The following USP4 variants were observed in gnomAD, a reference collection of about 807,000 sequenced individuals.
The protein encoded by USP4 is ubiquitin specific peptidase 4, also known as ubiquitin carboxyl-terminal hydrolase 4.
In USP4, 72 loss-of-function variants were observed where a neutral mutation model predicts 118.2. That is an observed-to-expected ratio of 0.61 (90% CI 0.50 to 0.74). The LOEUF is 0.74. USP4 is among the 30% of genes least tolerant of loss of function. USP4 has a pLI of 0.00. For missense variants in USP4, 1,037 were observed against 1,185.7 expected (o/e 0.87, Z 1.84); for synonymous variants, 415 against 440.4 (o/e 0.94, Z 0.72).
intron 6 of USP4, among the ~76,000 whole-genome samples, chr3:49,314,812 G>T (rs1221597082): frequency 6.6e-6 from 1 of 151,912 alleles, no homozygotes; most frequent in Non-Finnish European, 1.5e-5. Context: ...ACTGCTTGAG[G>T]CCAAGAGTTC....
intron 13 of USP4, among the ~76,000 whole-genome samples, chr3:49,295,773 G>A (rs2047201655): frequency 6.6e-6 from 1 of 151,126 alleles, no homozygotes; most frequent in Non-Finnish European, 1.5e-5. Context: ...AGTCCTGACT[G>A]AAGTTTATGA....
chr3:49,286,417 C>A, intron 15 of USP4, 92 bp from the exon 16 acceptor site: 1 of 1,299,504 alleles, frequency 7.7e-7, no homozygotes, highest in Non-Finnish European at 1.1e-6. Flanking sequence ...TGTTTCCTTC[C>A]AGATTTTGTT....
At chr3:49,322,974 CT>C (rs539610491) in intron 6 of USP4, among the ~76,000 whole-genome samples, 6 of 147,952 alleles carry the variant, frequency 4.1e-5, no homozygotes, top group East Asian at 4.0e-4. Context: ...AACAGACATT[CT>C]TTTTTTTTTG....
intron 9 of USP4, among the ~76,000 whole-genome samples, chr3:49,303,909 C>T (rs1214035965): frequency 2.0e-5 from 3 of 152,134 alleles, no homozygotes; most frequent in Non-Finnish European, 2.9e-5. Context: ...TATGCCACCA[C>T]GCCTGGCTAA....
At chr3:49,294,037 G>A (rs907975863) in intron 14 of USP4, among the ~76,000 whole-genome samples, 7 of 150,620 alleles carry the variant, frequency 4.6e-5, no homozygotes, top group South Asian at 2.1e-4. Context: ...ATGCAGTGGC[G>A]CGATCTCAGC....
chr3:49,321,543 G>C (rs528223764), intron 6 of USP4, among the ~76,000 whole-genome samples: 49 of 150,866 alleles, frequency 3.2e-4, no homozygotes, highest in African/African-American at 1.0e-3. Flanking sequence ...GCAGTGGCAC[G>C]ATCTAGGCTC....
chr3:49,296,240 A>G (rs2047207791), intron 13 of USP4, among the ~76,000 whole-genome samples: 1 of 151,946 alleles, frequency 6.6e-6, no homozygotes, highest in Admixed American at 6.6e-5. Context: ...CTGAGGCAGA[A>G]TGGCATGAAC....
chr3:49,297,052 A>C lies in USP4; in HGVS notation c.1691+818T>G, dbSNP rs531199889. On this transcript the variant is annotated intron_variant, in intron 13 of 21. Transcript: ENST00000265560. ...TCATAGGCCCAAAAATGTAAAGGGA[A>C]GGAACTATCTCCTTTACATACTGAA... Among the ~76,000 whole-genome samples the C allele has an allele frequency of 1.4e-4, 21 of 152,368 alleles. No individual in the cohort carries two copies. In the South Asian group the frequency reaches 2.3e-3, roughly 17 times the overall value.
intron 1 of USP4, among the ~76,000 whole-genome samples, chr3:49,337,417 G>A (rs1461413321): frequency 6.6e-6 from 1 of 151,978 alleles, no homozygotes; most frequent in Non-Finnish European, 1.5e-5. Context: ...TTACTTAAAT[G>A]TAAGCAAATG....
At chr3:49,321,621 C>A (rs529126819) in intron 6 of USP4, among the ~76,000 whole-genome samples, 1 of 152,246 alleles carries the variant, frequency 6.6e-6, no homozygotes, top group South Asian at 2.1e-4. Context: ...GCATGTGCCA[C>A]TGCACCGGGC....
Position 49,297,915 on chromosome 3 carries a change from A to G in USP4, c.1646T>C (p.Met549Thr), listed in dbSNP as rs1442419432. Residue 549 changes from methionine to threonine, a missense_variant, in exon 13 of 22, where the codon ATG becomes ACG. Physicochemically the swap from Met to Thr is moderately conservative, Grantham distance 81. Coordinates refer to ENST00000265560, the MANE Select transcript of USP4 (RefSeq NM_003363.4). ...CATGATGTGGTTTAAACCTTCATCC[A>G]TTTGGAAAATTTTGTGGAATCGGTG... is the stretch of plus-strand genomic sequence containing the variant. ...YNHRFHKIFQ[M>T]DEGLNHIMPR... 1.2e-6 allele frequency: 2 copies of G among 1,614,224 alleles called. No homozygotes were observed. The highest frequency in any genetic ancestry group is 2.2e-5 in the East Asian group (1 of 44,890).
intron 1 of USP4, among the ~76,000 whole-genome samples, chr3:49,337,970 C>G (rs1258851047): frequency 6.8e-6 from 1 of 147,514 alleles, no homozygotes; most frequent in Non-Finnish European, 1.5e-5. Context: ...CGCTTGAACC[C>G]GGGAGGCAGA....
chr3:49,299,542 G>A (rs1003962894), intron 11 of USP4, among the ~76,000 whole-genome samples: 11 of 150,976 alleles, frequency 7.3e-5, no homozygotes, highest in South Asian at 2.1e-4. Context: ...ACAGGCGCCC[G>A]CCACCATGCC....
Position 49,278,854 on chromosome 3 carries a change from T to C in USP4, c.2693A>G (p.Asp898Gly). 6.2e-7 allele frequency: 1 copy of C among 1,613,254 alleles called. No homozygotes were observed. The highest frequency in any genetic ancestry group is 8.5e-7 in the Non-Finnish European group (1 of 1,179,674). The part of the protein sequence containing the change: ...NKLNGKWYYF[D>G]DSNVSLASED... Reference sequence around the variant, plus strand: ...AGAGGCCAGGGACACGTTGCTATCATCAAAGTAATACCATTTACCATTCAG... The same window carrying C: ...AGAGGCCAGGGACACGTTGCTATCACCAAAGTAATACCATTTACCATTCAG... Residue 898 changes from aspartate (D) to glycine (G), a missense_variant, in exon 21 of 22, where the codon GAT becomes GGT. Transcript: ENST00000265560.
At chr3:49,295,060 C>T (rs530885859) in intron 13 of USP4, among the ~76,000 whole-genome samples, 49 of 152,110 alleles carry the variant, frequency 3.2e-4, no homozygotes, top group African/African-American at 7.9e-4. Flanking sequence ...GAGGCCAAGG[C>T]GGGCGGATCA....
At chr3:49,312,820 C>T (rs1237882222) in intron 6 of USP4, 1 of 154,472 alleles carries the variant, frequency 6.5e-6, no homozygotes, top group Non-Finnish European at 1.4e-5. Flanking sequence ...AAAAAAACCC[C>T]ACAAGGTTCA....
chr3:49,286,419 G>T, intron 15 of USP4, 94 bp from the exon 16 acceptor site: 2 of 1,281,602 alleles, frequency 1.6e-6, no homozygotes, highest in Non-Finnish European at 2.2e-6. Flanking sequence ...TTTCCTTCCA[G>T]ATTTTGTTCT....
rs760895481 is a variant in USP4, at chr3:49,317,216, C to T, written c.696-5562G>A. 9.9e-6 allele frequency: 15 copies of T among 1,514,942 alleles called. No homozygotes were observed. In the East Asian group the frequency reaches 1.1e-4, roughly 11 times the overall value. 93.8% of individuals were successfully genotyped at this position (1,514,942 alleles called of 1,614,324 possible). A position where few individuals can be genotyped will look rare whatever the true frequency, so the allele number is the denominator to read the frequency against. ...TTGAGGTAGGTGGCCTCCGTCTCCG[C>T]GATGGTCTGGTAGAACTTACTGCAA... On this transcript the variant is annotated intron_variant, in intron 6 of 21. Coordinates refer to ENST00000265560, the MANE Select transcript of USP4 (RefSeq NM_003363.4).
At chr3:49,279,900 A>G (rs2046999626) in intron 20 of USP4, among the ~76,000 whole-genome samples, 1 of 152,178 alleles carries the variant, frequency 6.6e-6, no homozygotes, top group East Asian at 1.9e-4. Context: ...GCCTAACCTC[A>G]TGGATGAGAA....
Sources: allele counts gnomAD v4.1 joint callset (sites outside exome capture counted in the v4.1 genomes callset), GRCh38; gene constraint gnomAD v4.1.1; transcripts MANE v1.5; gene names NCBI Gene and HGNC (gene_info 2026-07-23, HGNC 2026-07-21).